Variants in MYO1D observed in about 807,000 individuals in gnomAD.
MYO1D encodes the protein unconventional myosin-Id.
MYO1D carries 83 observed loss-of-function variants against 122.0 expected under a neutral mutation model. The observed-to-expected ratio is 0.68, with a 90% CI of 0.57 to 0.82. The LOEUF is 0.82. Ranked by LOEUF, MYO1D falls within the 40% of genes least tolerant of loss-of-function variation. The probability of loss-of-function intolerance (pLI) is 0.00; values close to 1 mark genes in which losing one functional copy is unlikely to be tolerated. For missense variants in MYO1D, 1,157 were observed against 1,269.5 expected (o/e 0.91, Z 1.35); for synonymous variants, 464 against 446.9 (o/e 1.04, Z -0.48).
At chr17:32,760,010 G>A (rs1236358193) in intron 10 of MYO1D, 1 of 645,228 alleles carries the variant, frequency 1.5e-6, no homozygotes, top group Non-Finnish European at 2.8e-6. Flanking sequence ...CTAACAGACA[G>A]ATATAAACCA....
intron 21 of MYO1D, among the ~76,000 whole-genome samples, chr17:32,560,528 CATATATATATATATATAT>C (rs56214129): frequency 0.017 from 1,136 of 65,442 alleles, 110 homozygotes; most frequent in Middle Eastern, 0.038. Flanking sequence ...CCAGAGACAA[CATATATATATATATATAT>C]ATATATATAT....
intron 1 of MYO1D, among the ~76,000 whole-genome samples, chr17:32,841,731 G>GA (rs2090884240): frequency 6.6e-6 from 1 of 152,110 alleles, no homozygotes; most frequent in Non-Finnish European, 1.5e-5. Context: ...AGGGTAGGCA[G>GA]AATTAGCCTA....
In MYO1D at chr17:32,767,746, T is replaced by C. The variant is rs1020901652; in HGVS notation, c.721A>G (p.Ile241Val). Residue 241 changes from isoleucine (I) to valine (V), a missense_variant, in exon 7 of 22, where the codon ATC becomes GTC. By Grantham distance (29) the Ile-to-Val change is conservative. Coordinates refer to ENST00000318217, the MANE Select transcript of MYO1D (RefSeq NM_015194.3). The part of the protein sequence containing the change: ...IHVGAQLKSS[I>V]NDAAEFRVVA... ...ACTCTGAATTCGGCAGCATCATTGA[T>C]AGAAGACTGGGGATGAAAATGAAAA... The C allele has an allele frequency of 6.2e-6, 10 of 1,608,640 alleles. No homozygotes were observed. Among genetic ancestry groups the C allele is most frequent in the Admixed American group, 1.7e-5 (1 of 59,960 alleles).
chr17:32,608,147 C>T (rs1003196124), intron 20 of MYO1D, among the ~76,000 whole-genome samples: 8 of 152,076 alleles, frequency 5.3e-5, no homozygotes, highest in African/African-American at 1.9e-4. Context: ...TGAACTTGAT[C>T]AAATTTAAAA....
intron 4 of MYO1D, among the ~76,000 whole-genome samples, chr17:32,775,179 T>G (rs2151025513): frequency 6.6e-6 from 1 of 152,196 alleles, no homozygotes; most frequent in East Asian, 1.9e-4. Context: ...GCCATGCCTG[T>G]GGTCCCAGCT....
intron 1 of MYO1D, among the ~76,000 whole-genome samples, chr17:32,822,571 G>A: frequency 6.7e-6 from 1 of 149,500 alleles, no homozygotes; most frequent in Non-Finnish European, 1.5e-5. Flanking sequence ...CCCGGGGAGC[G>A]TGGGTGGGAA....
At chr17:32,742,090 C>CT (rs1049163742) in intron 13 of MYO1D, among the ~76,000 whole-genome samples, 3 of 151,160 alleles carry the variant, frequency 2.0e-5, no homozygotes, top group Non-Finnish European at 4.4e-5. Flanking sequence ...CATGTACAGA[C>CT]TTTTTTGAGG....
At chr17:32,599,699 C>A (rs994221059) in intron 21 of MYO1D, among the ~76,000 whole-genome samples, 3 of 152,190 alleles carry the variant, frequency 2.0e-5, no homozygotes, top group Non-Finnish European at 4.4e-5. Context: ...GTTGCCCATG[C>A]TGGAGTGCAG....
intron 21 of MYO1D, among the ~76,000 whole-genome samples, chr17:32,535,367 GTAA>G (rs1397542039): frequency 6.6e-6 from 1 of 152,210 alleles, no homozygotes; most frequent in African/African-American, 2.4e-5. Context: ...CGTAAACCAT[GTAA>G]TAATAATTAA....
intron 15 of MYO1D, among the ~76,000 whole-genome samples, chr17:32,718,427 G>A (rs1049011230): frequency 1.3e-5 from 2 of 152,204 alleles, no homozygotes; most frequent in East Asian, 1.9e-4. Flanking sequence ...GCTGGGCGTG[G>A]TGGCTCATGC....
chr17:32,664,573 A>G (rs79450888), intron 16 of MYO1D, among the ~76,000 whole-genome samples: 1 of 152,224 alleles, frequency 6.6e-6, no homozygotes, highest in Admixed American at 6.5e-5. Flanking sequence ...GCTTTAGGAT[A>G]TGAGGCCAGA....
At chr17:32,825,868 T>C (rs2090717398) in intron 1 of MYO1D, among the ~76,000 whole-genome samples, 2 of 151,896 alleles carry the variant, frequency 1.3e-5, no homozygotes, top group Non-Finnish European at 2.9e-5. Flanking sequence ...CAAGATCTCA[T>C]CTCTACCAAA....
intron 16 of MYO1D, among the ~76,000 whole-genome samples, chr17:32,661,945 TTGTG>T (rs769150516): frequency 3.3e-5 from 5 of 152,226 alleles, no homozygotes; most frequent in South Asian, 2.1e-4. Context: ...TCTTTCTTTA[TTGTG>T]TGTATTTGTT....
At chr17:32,661,808 T>A (rs1362323383) in intron 16 of MYO1D, among the ~76,000 whole-genome samples, 2 of 152,206 alleles carry the variant, frequency 1.3e-5, no homozygotes, top group Non-Finnish European at 2.9e-5. Flanking sequence ...TTAAAGTATG[T>A]TTACATTACC....
At chr17:32,783,017 A>G (rs767695760) in intron 1 of MYO1D, among the ~76,000 whole-genome samples, 3 of 152,190 alleles carry the variant, frequency 2.0e-5, no homozygotes, top group Non-Finnish European at 2.9e-5. Flanking sequence ...CAACTGTTCA[A>G]AGACTCGCGA....
intron 16 of MYO1D, among the ~76,000 whole-genome samples, chr17:32,697,878 C>T (rs979747628): frequency 6.6e-6 from 1 of 152,194 alleles, no homozygotes; most frequent in African/African-American, 2.4e-5. Flanking sequence ...TGAGGACATC[C>T]TCTGAACACA....
At position 32,749,016 on chromosome 17, in the gene MYO1D, CAAG is replaced by C. The variant is rs572543120; in HGVS notation, c.1468-13_1468-11del. ...TGTCTGAGGCACAGAGCTAAGGAAT[CAAG>C]AAGGATATTATTTTGAAAACAGACA... On this transcript the variant is annotated splice_polypyrimidine_tract_variant and intron_variant, in intron 11 of 21. Coordinates refer to ENST00000318217, the MANE Select transcript of MYO1D (RefSeq NM_015194.3). The C allele has an allele frequency of 1.2e-6, 2 of 1,606,728 alleles. No homozygotes were observed. The highest frequency in any genetic ancestry group is 1.7e-6 in the Non-Finnish European group (2 of 1,174,458).
chr17:32,795,199 C>A (rs2090401508), intron 1 of MYO1D, among the ~76,000 whole-genome samples: 1 of 152,122 alleles, frequency 6.6e-6, no homozygotes, highest in Admixed American at 6.5e-5. Context: ...ATGTTTCTCA[C>A]ACTTCTTTCT....
In MYO1D at chr17:32,840,672, C is replaced by T. The variant is rs1047726284; in HGVS notation, c.95+36106G>A. ...CTCTTCAACCCTCAGAACTTGACTC[C>T]CAACAATTCCAAAACATACACATTC... On this transcript the variant is annotated intron_variant, in intron 1 of 21. Coordinates refer to ENST00000318217, the MANE Select transcript of MYO1D (RefSeq NM_015194.3). Among the ~76,000 whole-genome samples the T allele has an allele frequency of 3.3e-5, 5 of 152,256 alleles. No individual in the cohort carries two copies. The South Asian group carries it at 1.0e-3, about 32-fold the overall frequency.
Sources: allele counts gnomAD v4.1 joint callset (sites outside exome capture counted in the v4.1 genomes callset), GRCh38; gene constraint gnomAD v4.1.1; transcripts MANE v1.5; gene names NCBI Gene and HGNC (gene_info 2026-07-23, HGNC 2026-07-21).